SGTB: variants seen among roughly 807,000 people sequenced by gnomAD.
SGTB encodes the protein small glutamine rich tetratricopeptide repeat co-chaperone beta.
SGTB carries 19 observed loss-of-function variants against 43.9 expected under a neutral mutation model. The ratio of observed to expected loss-of-function variants is 0.43; its 90% CI spans 0.30 to 0.63. The LOEUF is 0.63. Ranked by LOEUF, SGTB falls within the 30% of genes least tolerant of loss-of-function variation. The pLI is 0.12. For synonymous variants in SGTB, 116 were observed against 117.3 expected, an observed-to-expected ratio of 0.99 and a Z score of 0.07; for missense variants, 304 against 358.9, an observed-to-expected ratio of 0.85 and a Z score of 1.24.
chr5:65,679,673 C>A (rs917060527), intron 8 of SGTB, among the ~76,000 whole-genome samples: 2 of 151,652 alleles, frequency 1.3e-5, no homozygotes, highest in African/African-American at 4.9e-5. Context: ...CAGATGCTGG[C>A]GAAGTTGTGG....
chr5:65,706,361 T>C (rs1056671687), intron 4 of SGTB, among the ~76,000 whole-genome samples: 12 of 152,322 alleles, frequency 7.9e-5, no homozygotes, highest in African/African-American at 2.9e-4. Context: ...GTTGGGCTCT[T>C]TGTCTTGATG....
At chr5:65,689,795 G>A (rs154627) in intron 5 of SGTB, among the ~76,000 whole-genome samples, 2 of 151,862 alleles carry the variant, frequency 1.3e-5, no homozygotes, top group Non-Finnish European at 2.9e-5. Context: ...TTTAGGTCTA[G>A]TTTTCTGCCA....
Position 65,680,788 on chromosome 5 carries a change from G to A in SGTB, c.486C>T (p.Ala162=), listed in dbSNP as rs528602309. The change falls in exon 7 of 11, where the codon GCC becomes GCT. Residue 162 remains alanine, a synonymous_variant. Transcript: ENST00000381007. The part of the protein sequence containing the change: ...YSKAYGRMGL[A]LTALNKFEEA... ...CTTCAAATTTATTCAAGGCAGTGAG[G>A]GCCAGCCTGAAGGGAATAGAATATA... The A allele has an allele frequency of 6.5e-5, 105 of 1,613,080 alleles. No homozygotes were observed. In the South Asian group the frequency reaches 1.0e-3, roughly 16 times the overall value.
chr5:65,718,882 G>T (rs1221315749), intron 2 of SGTB, among the ~76,000 whole-genome samples: 1 of 151,146 alleles, frequency 6.6e-6, no homozygotes, highest in African/African-American at 2.4e-5. Flanking sequence ...TTTTCTTTCT[G>T]GCCCTTAAAA....
intron 8 of SGTB, among the ~76,000 whole-genome samples, chr5:65,679,907 T>A (rs958513816): frequency 1.3e-5 from 2 of 152,102 alleles, no homozygotes; most frequent in East Asian, 3.8e-4. Context: ...AGACATGGAA[T>A]CAATGCAAAT....
At chr5:65,705,451 T>C (rs1423040016) in intron 4 of SGTB, among the ~76,000 whole-genome samples, 1 of 151,936 alleles carries the variant, frequency 6.6e-6, no homozygotes, top group Admixed American at 6.6e-5. Flanking sequence ...AAACCCTGTC[T>C]TTAAAAAAAA....
intron 5 of SGTB, among the ~76,000 whole-genome samples, chr5:65,689,905 T>TA (rs11370333): frequency 0.33 from 49,636 of 151,704 alleles, 8,447 homozygotes; most frequent in Non-Finnish European, 0.37. Flanking sequence ...TGCTTCAGTT[T>TA]AAAAAAAATT....
chr5:65,701,786 C>T (rs1757829690), intron 5 of SGTB, among the ~76,000 whole-genome samples: 1 of 152,180 alleles, frequency 6.6e-6, no homozygotes, highest in African/African-American at 2.4e-5. Context: ...GCGCCTGCCA[C>T]CATGCCCGGC....
chr5:65,670,800 C>T (rs1424272205), intron 10 of SGTB, among the ~76,000 whole-genome samples: 2 of 151,952 alleles, frequency 1.3e-5, no homozygotes, highest in Admixed American at 6.6e-5. Flanking sequence ...AGTATGTGAC[C>T]CTCTATTGCC....
At chr5:65,703,753 T>G (rs777629962) in intron 5 of SGTB, among the ~76,000 whole-genome samples, 5 of 146,294 alleles carry the variant, frequency 3.4e-5, no homozygotes, top group Non-Finnish European at 6.0e-5. Context: ...ATGAATAAAT[T>G]TAGGCCGGGC....
rs539409943 is a variant in SGTB at position 65,704,151 on chromosome 5, T to A, written c.374+128A>T. On this transcript the variant is annotated intron_variant, in intron 5 of 10. Coordinates refer to ENST00000381007, the MANE Select transcript of SGTB (RefSeq NM_019072.3). ...GAGTGGTAAGTTGGTTAAGTTTATT[T>A]TTTCTTCCTTCTTTATATTTTTCTG... 61 of 587,068 alleles carry A rather than the reference T, an allele frequency of 1.0e-4. No individual in the cohort carries two copies. In the African/African-American group the frequency reaches 1.1e-3, roughly 11 times the overall value. 36.4% of individuals were successfully genotyped at this position (587,068 alleles called of 1,614,324 possible).
intron 8 of SGTB, among the ~76,000 whole-genome samples, chr5:65,673,990 C>T (rs1049016022): frequency 2.0e-5 from 3 of 152,144 alleles, no homozygotes; most frequent in African/African-American, 4.8e-5. Context: ...TACTTCCAGT[C>T]CTCTTCCCTC....
At position 65,668,709 on chromosome 5, in the gene SGTB, C is replaced by T. The variant is rs553555721; in HGVS notation, c.*1537G>A. 1 of 149,500 alleles carries T rather than the reference C, an allele frequency of 6.7e-6. No homozygotes were observed. Among genetic ancestry groups the T allele is most frequent in the African/African-American group, 2.5e-5 (1 of 40,454 alleles). 9.3% of individuals were successfully genotyped at this position (149,500 alleles called of 1,614,324 possible). ...TGAGCCGCGATTGCGCCACTGCACT[C>T]CAGCCTGGCGACAGAGAGAGACTCC... is the stretch of plus-strand genomic sequence containing the variant. On this transcript the variant is annotated 3_prime_UTR_variant, in exon 11 of 11. Coordinates refer to ENST00000381007, the MANE Select transcript of SGTB (RefSeq NM_019072.3).
intron 5 of SGTB, among the ~76,000 whole-genome samples, chr5:65,688,711 T>C (rs1007586413): frequency 1.3e-5 from 2 of 152,252 alleles, no homozygotes; most frequent in African/African-American, 4.8e-5. Context: ...GCATCTGGAA[T>C]GTTACCTAGC....
chr5:65,704,905 C>T (rs1245374645), intron 4 of SGTB, among the ~76,000 whole-genome samples: 3 of 152,206 alleles, frequency 2.0e-5, no homozygotes, highest in Admixed American at 6.5e-5. Context: ...TTTTTATGTG[C>T]TATCCCTTCC....
chr5:65,714,020 C>T (rs1011773254), intron 2 of SGTB, among the ~76,000 whole-genome samples: 2 of 152,004 alleles, frequency 1.3e-5, no homozygotes, highest in African/African-American at 4.8e-5. Flanking sequence ...CACTACTGCA[C>T]TCCAGTACGG....
intron 8 of SGTB, among the ~76,000 whole-genome samples, chr5:65,674,803 T>G (rs1276546408): frequency 6.6e-6 from 1 of 152,008 alleles, no homozygotes; most frequent in Admixed American, 6.6e-5. Flanking sequence ...ACCTGAGTCC[T>G]AGAATGGGTA....
chr5:65,700,742 G>A lies in SGTB; in HGVS notation c.374+3537C>T, dbSNP rs1757799898. On this transcript the variant is annotated intron_variant, in intron 5 of 10. Coordinates refer to ENST00000381007, the MANE Select transcript of SGTB (RefSeq NM_019072.3). ...AGAAGAATCATGGCTGGGCGTGGTT[G>A]CTCAGACCTCTAATCCCAGCACTTT... Among the ~76,000 whole-genome samples the A allele has an allele frequency of 2.0e-5, 3 of 150,098 alleles. 1 individual carries two copies. In the South Asian group the frequency reaches 6.3e-4, roughly 31 times the overall value.
At chr5:65,684,485 C>A (rs771518093) in intron 6 of SGTB, among the ~76,000 whole-genome samples, 2 of 152,040 alleles carry the variant, frequency 1.3e-5, no homozygotes, top group Non-Finnish European at 2.9e-5. Flanking sequence ...GTAATAGTTG[C>A]AAAGTTGTGG....
Sources: gnomAD v4.1 joint callset for allele counts (sites outside exome capture counted in the v4.1 genomes callset) on GRCh38, gnomAD v4.1.1 for gene constraint, MANE v1.5 for transcripts, NCBI Gene and HGNC (gene_info 2026-07-23, HGNC 2026-07-21) for gene names.